Variants in MORN1 observed in about 807,000 individuals in gnomAD.
The protein encoded by MORN1 is MORN repeat containing 1, also known as MORN repeat-containing protein 1.
A neutral mutation model predicts 61.9 loss-of-function variants in MORN1; 67 were observed. That is an observed-to-expected ratio of 1.08 (90% CI 0.89 to 1.33). The LOEUF (loss-of-function observed/expected upper bound fraction) is 1.33. Ranked by LOEUF, MORN1 falls within the 40% of genes most tolerant of loss-of-function variation. MORN1 has a pLI of 0.00. For synonymous variants in MORN1, 301 were observed against 292.0 expected (o/e 1.03, Z -0.31); for missense variants, 752 against 691.2 (o/e 1.09, Z -0.99).
At chr1:2,391,133 CG>C (rs2100387860) in intron 1 of MORN1, among the ~76,000 whole-genome samples, 1 of 152,188 alleles carries the variant, frequency 6.6e-6, no homozygotes, top group Admixed American at 6.5e-5. Context: ...TCCTGGGCTT[CG>C]GGATCCCCAT....
chr1:2,374,395 C>A (rs1570020818), intron 7 of MORN1, 66 bp downstream of exon 7: 2 of 1,423,908 alleles, frequency 1.4e-6, no homozygotes, highest in Admixed American at 4.0e-5. Context: ...CATATGGCTG[C>A]CCGGGGGCCA....
intron 8 of MORN1, among the ~76,000 whole-genome samples, chr1:2,358,999 G>C (rs1317998054): frequency 6.6e-6 from 1 of 152,148 alleles, no homozygotes. Context: ...CCTGGATCCT[G>C]AATCTCCAGC....
chr1:2,324,355 GC>G (rs912650330), intron 12 of MORN1, among the ~76,000 whole-genome samples: 2 of 152,222 alleles, frequency 1.3e-5, no homozygotes, highest in African/African-American at 4.8e-5. Context: ...ACCGTGGGCT[GC>G]CCTGTGCAAA....
chr1:2,358,937 C>T (rs920899755), intron 8 of MORN1, among the ~76,000 whole-genome samples: 1 of 152,162 alleles, frequency 6.6e-6, no homozygotes, highest in African/African-American at 2.4e-5. Flanking sequence ...ATCTCTGGTG[C>T]TGGCCACACT....
chr1:2,322,317 T>A, intron 13 of MORN1: 4 of 985,258 alleles, frequency 4.1e-6, no homozygotes, highest in Non-Finnish European at 4.8e-6. Flanking sequence ...AAAAAGCGCC[T>A]CGGCTGGCCC....
chr1:2,331,720 A>T (rs1159651490), intron 12 of MORN1, among the ~76,000 whole-genome samples: 1 of 152,140 alleles, frequency 6.6e-6, no homozygotes, highest in African/African-American at 2.4e-5. Context: ...ACTTTGCAGG[A>T]TCCTGCCTGA....
In MORN1 at chr1:2,357,210, C is replaced by G. The variant is rs562026119; in HGVS notation, c.1036+222G>C. On this transcript the variant is annotated intron_variant, in intron 10 of 13. Coordinates refer to ENST00000378531, the MANE Select transcript of MORN1 (RefSeq NM_024848.3). This position sits in a 1 kb window ranked among gnomAD's most constrained non-coding sequence, Gnocchi z 6.3. The stretch of plus-strand genomic sequence containing the variant: ...GAGGCTGCAGCCCCTGCCAGGCTCA[C>G]GGCAGACGAACAATCGGCTTGAGCC... Among the ~76,000 whole-genome samples the G allele has an allele frequency of 6.6e-6, 1 of 152,176 alleles. No individual in the cohort carries two copies. The highest frequency in any genetic ancestry group is 1.5e-5 in the Non-Finnish European group (1 of 68,010).
intron 7 of MORN1, among the ~76,000 whole-genome samples, chr1:2,373,634 C>T (rs1026509481): frequency 5.3e-5 from 8 of 152,170 alleles, no homozygotes; most frequent in African/African-American, 1.4e-4. Flanking sequence ...GACCCAGGCT[C>T]GGCCTCCATC....
intron 10 of MORN1, chr1:2,355,105 G>A (rs551255089): frequency 9.8e-6 from 10 of 1,018,570 alleles, no homozygotes; most frequent in East Asian, 1.7e-4. Context: ...GGTAGGGTGC[G>A]ATGCAGGCAC....
At chr1:2,335,827 A>ACAGCCCAGCCCAGCC (rs1641254049) in intron 12 of MORN1, among the ~76,000 whole-genome samples, 1 of 136,258 alleles carries the variant, frequency 7.3e-6, no homozygotes, top group African/African-American at 3.8e-5. Context: ...CCTCGCCTCC[A>ACAGCCCAGCCCAGCC]TAGCCCAGCC....
intron 10 of MORN1, chr1:2,352,742 G>A (rs1226278505): frequency 6.6e-6 from 1 of 152,312 alleles, no homozygotes; most frequent in African/African-American, 2.4e-5. Flanking sequence ...AGGGACTTCG[G>A]CGGGCAGGTA....
chr1:2,390,565 C>T lies in MORN1; in HGVS notation c.77-569G>A, dbSNP rs147743662. Reference sequence around the variant, plus strand: ...ATGGGCAGGGCTCCCTCCCTACCAGCTCCTCAGGCACATTTTGTGGGCAGG... The same window carrying T: ...ATGGGCAGGGCTCCCTCCCTACCAGTTCCTCAGGCACATTTTGTGGGCAGG... On this transcript the variant is annotated intron_variant, in intron 1 of 13. Coordinates refer to ENST00000378531, the MANE Select transcript of MORN1 (RefSeq NM_024848.3). 1.6e-5 allele frequency: 16 copies of T among 985,408 alleles called. No individual in the cohort carries two copies. In the East Asian group the frequency reaches 9.1e-4, roughly 56 times the overall value. The allele number at this position is 985,408 out of a possible 1,614,324, so 61.0% of individuals were successfully genotyped here.
intron 10 of MORN1, among the ~76,000 whole-genome samples, chr1:2,346,695 T>G (rs1166316439): frequency 6.6e-6 from 1 of 152,186 alleles, no homozygotes; most frequent in African/African-American, 2.4e-5. Context: ...CTGAGATAAA[T>G]TTTAAAGGAA....
At chr1:2,355,550 ATGGAGGTGGCCC>A in intron 10 of MORN1, 1 of 1,459,972 alleles carries the variant, frequency 6.8e-7, no homozygotes, top group South Asian at 1.2e-5. Flanking sequence ...GGGCACGGGC[ATGGAGGTGGCCC>A]TGGTGGCGGA....
chr1:2,357,613 G>C lies in MORN1; in HGVS notation c.870-15C>G, dbSNP rs765194846. On this transcript the variant is annotated splice_polypyrimidine_tract_variant and intron_variant, in intron 9 of 13. Transcript: ENST00000378531. The surrounding 1 kb of genome is among the most constrained non-coding windows in gnomAD (Gnocchi z 6.3). ...ATTCGAACCCACTGCAAAGGAATGG[G>C]GGCAGCTTGGCTCTACTCACCCCAC... The C allele has an allele frequency of 6.4e-7, 1 of 1,574,172 alleles. No individual in the cohort carries two copies. Among genetic ancestry groups the C allele is most frequent in the East Asian group, 2.3e-5 (1 of 44,058 alleles).
At chr1:2,382,716 G>A (rs988869478) in intron 6 of MORN1, among the ~76,000 whole-genome samples, 1 of 152,172 alleles carries the variant, frequency 6.6e-6, no homozygotes, top group Non-Finnish European at 1.5e-5. Flanking sequence ...GTCCCCAGGG[G>A]AGAAGAGGCT....
At position 2,359,155 on chromosome 1, in the gene MORN1, G is replaced by A. The variant is rs186848203; in HGVS notation, c.746-440C>T. Among the ~76,000 whole-genome samples, 54 of 152,284 alleles carry A rather than the reference G, an allele frequency of 3.5e-4. 1 individual carries two copies. The highest frequency in any genetic ancestry group is 3.3e-3 in the Admixed American group (50 of 15,296). On this transcript the variant is annotated intron_variant, in intron 8 of 13. Coordinates refer to ENST00000378531, the MANE Select transcript of MORN1 (RefSeq NM_024848.3). ...CTGGTCAGGGGCGTGGGGTGGCACT[G>A]GCACTCACAAGCTCCCGGGGCCTCC...
intron 8 of MORN1, among the ~76,000 whole-genome samples, chr1:2,370,225 G>A (rs774776732): frequency 5.3e-5 from 8 of 152,208 alleles, no homozygotes; most frequent in Admixed American, 2.0e-4. Context: ...CAACCAAGGT[G>A]CCAGGGCAAC....
chr1:2,323,093 G>A (rs550884045), intron 13 of MORN1: 17 of 985,412 alleles, frequency 1.7e-5, no homozygotes, highest in Admixed American at 6.1e-5. Context: ...GCGCCTAGCC[G>A]ATTCCTGTCA....
Sources: gnomAD v4.1 joint callset for allele counts (sites outside exome capture counted in the v4.1 genomes callset) on GRCh38, gnomAD v4.1.1 for gene constraint, Gnocchi (gnomAD v3.1) non-coding constraint, MANE v1.5 for transcripts, NCBI Gene and HGNC (gene_info 2026-07-23, HGNC 2026-07-21) for gene names.